TCF20: variants seen among roughly 807,000 people sequenced by gnomAD.
TCF20 encodes the protein SPRE-binding protein.
In TCF20, 3 loss-of-function variants were observed where a neutral mutation model predicts 148.6. The observed-to-expected ratio is 0.02, with a 90% CI of 0.01 to 0.05. The LOEUF (loss-of-function observed/expected upper bound fraction) is 0.05, where lower values mean the gene tolerates loss of function less well. Among genes scored for constraint, TCF20 ranks in the 10% least tolerant of loss-of-function variants. TCF20 has a pLI of 1.00. For missense variants in TCF20, 2,350 were observed against 2,429.3 expected, an observed-to-expected ratio of 0.97 and a Z score of 0.69; for synonymous variants, 1,049 against 909.5, an observed-to-expected ratio of 1.15 and a Z score of -2.76.
intron 1 of TCF20, among the ~76,000 whole-genome samples, chr22:42,304,037 G>T (rs1020961366): frequency 6.6e-6 from 1 of 151,678 alleles, no homozygotes; most frequent in Admixed American, 6.6e-5. Flanking sequence ...CCCCCCTGCC[G>T]CAAGAACATC....
intron 1 of TCF20, among the ~76,000 whole-genome samples, chr22:42,301,068 C>T (rs1174271995): frequency 2.0e-5 from 3 of 152,034 alleles, no homozygotes; most frequent in Non-Finnish European, 4.4e-5. Context: ...GGTCCTAGGG[C>T]AGAGCATGGC....
At chr22:42,225,493 A>G (rs1922799156) in intron 1 of TCF20, among the ~76,000 whole-genome samples, 1 of 151,042 alleles carries the variant, frequency 6.6e-6, no homozygotes, top group Non-Finnish European at 1.5e-5. Context: ...GGGCGCCTGT[A>G]GTCCCAGCTA....
chr22:42,247,863 A>G (rs1024709958), intron 1 of TCF20, among the ~76,000 whole-genome samples: 1 of 152,072 alleles, frequency 6.6e-6, no homozygotes, highest in Non-Finnish European at 1.5e-5. Context: ...TCTTCAAGAC[A>G]CCTCTCTTCA....
rs1927251029 is a variant in TCF20, at chr22:42,297,132, C to T, written c.-37+46347G>A. Among the ~76,000 whole-genome samples, 1 of 152,196 alleles carries T rather than the reference C, an allele frequency of 6.6e-6. No individual in the cohort carries two copies. The highest frequency in any genetic ancestry group is 1.5e-5 in the Non-Finnish European group (1 of 68,036). ...TCCCAACCCCTATGCACTACTGGTT[C>T]AGGCAGGCCTCAGTGCCCATACCCA... On this transcript the variant is annotated intron_variant, in intron 1 of 1. Coordinates refer to the TCF20 transcript ENST00000515426. This position sits in a 1 kb window ranked among gnomAD's most constrained non-coding sequence, Gnocchi z 4.3.
intron 1 of TCF20, among the ~76,000 whole-genome samples, chr22:42,323,844 A>ATGGAGGTTATGGTGGTGGTGGTG (rs1927779718): frequency 2.3e-5 from 2 of 85,730 alleles, no homozygotes; most frequent in Non-Finnish European, 5.1e-5. Context: ...CGGTGGTGGT[A>ATGGAGGTTATGGTGGTGGTGGTG]GTGGTGATGG....
intron 1 of TCF20, among the ~76,000 whole-genome samples, chr22:42,330,859 A>T (rs1184197522): frequency 6.6e-6 from 1 of 152,220 alleles, no homozygotes; most frequent in Non-Finnish European, 1.5e-5. Flanking sequence ...GAGGCCTAGG[A>T]TCAGGGGCTG....
At chr22:42,264,519 A>G (rs1926185098) in intron 1 of TCF20, among the ~76,000 whole-genome samples, 1 of 152,204 alleles carries the variant, frequency 6.6e-6, no homozygotes. Flanking sequence ...GAACACTTCA[A>G]CCAGCCCACT....
At chr22:42,284,074 C>T (rs116277878), upstream of TCF20, among the ~76,000 whole-genome samples, 2,793 of 152,282 alleles carry the variant, frequency 0.018, 95 homozygotes, top group African/African-American at 0.064. Flanking sequence ...ACGGCCCCTG[C>T]CGATCTCACC....
intron 3 of TCF20, among the ~76,000 whole-genome samples, chr22:42,172,217 C>T (rs1790232732): frequency 1.3e-5 from 2 of 152,338 alleles, no homozygotes; most frequent in South Asian, 4.1e-4. Flanking sequence ...AATTCACGTT[C>T]CTGGCAGGGG....
At chr22:42,313,211 G>A (rs1274373507) in intron 1 of TCF20, among the ~76,000 whole-genome samples, 1 of 152,222 alleles carries the variant, frequency 6.6e-6, no homozygotes, top group Admixed American at 6.5e-5. Context: ...AATAAATGGA[G>A]ACAGCTGCTA....
At position 42,297,423 on chromosome 22, in the gene TCF20, C is replaced by T. The variant is rs1927256378; in HGVS notation, c.-37+46056G>A. Among the ~76,000 whole-genome samples the T allele has an allele frequency of 6.6e-6, 1 of 152,168 alleles. No individual in the cohort carries two copies. ...GTAAATCTAAGGACACTGGTTGTGCCTTCTTTTTACCAGCAACAAGAACTC... is the reference window on the plus strand; with the variant it reads ...GTAAATCTAAGGACACTGGTTGTGCTTTCTTTTTACCAGCAACAAGAACTC... On this transcript the variant is annotated intron_variant, in intron 1 of 1. Coordinates refer to the TCF20 transcript ENST00000515426. The surrounding 1 kb of genome is among the most constrained non-coding windows in gnomAD (Gnocchi z 4.3).
chr22:42,166,668 G>T (rs890874978), intron 5 of TCF20, among the ~76,000 whole-genome samples: 2 of 150,834 alleles, frequency 1.3e-5, no homozygotes, highest in Non-Finnish European at 2.9e-5. Context: ...GCCCAAGAAT[G>T]ACTAGAGAGG....
chr22:42,250,043 G>A (rs1013633858), intron 1 of TCF20, among the ~76,000 whole-genome samples: 1 of 152,166 alleles, frequency 6.6e-6, no homozygotes, highest in African/African-American at 2.4e-5. Flanking sequence ...AGGATCACTT[G>A]AGGCCAGGAG....
At chr22:42,199,335 C>T (rs541878922) in intron 2 of TCF20, among the ~76,000 whole-genome samples, 3 of 152,164 alleles carry the variant, frequency 2.0e-5, no homozygotes, top group South Asian at 4.1e-4. Context: ...GGCAGAGCGA[C>T]GATTCCCACT....
At chr22:42,342,726 G>A (rs955529484) in intron 1 of TCF20, among the ~76,000 whole-genome samples, 1 of 152,144 alleles carries the variant, frequency 6.6e-6, no homozygotes, top group Admixed American at 6.5e-5. Context: ...CATTAAATTG[G>A]TGCTCCCAGA....
At chr22:42,271,125 T>C (rs1468604922), upstream of TCF20, among the ~76,000 whole-genome samples, 1 of 152,044 alleles carries the variant, frequency 6.6e-6, no homozygotes, top group Non-Finnish European at 1.5e-5. Context: ...TGGGGGCGGC[T>C]CCTGCCCGCC....
Position 42,161,277 on chromosome 22 carries a change from G to A in TCF20, c.*126C>T. 6.2e-7 allele frequency: 1 copy of A among 1,604,474 alleles called. No homozygotes were observed. Among genetic ancestry groups the A allele is most frequent in the Non-Finnish European group, 8.5e-7 (1 of 1,174,738 alleles). On this transcript the variant is annotated 3_prime_UTR_variant, in exon 6 of 6. Transcript: ENST00000677622. ...AGGCACGCGGGCGGGGCGGGGCGGG[G>A]CAGGGCAGGGTGTGGCTGCACGGTA...
chr22:42,251,862 G>T (rs768019608), intron 1 of TCF20, among the ~76,000 whole-genome samples: 24 of 151,908 alleles, frequency 1.6e-4, no homozygotes, highest in Non-Finnish European at 3.2e-4. Flanking sequence ...ATATTGTTTG[G>T]ATTTCGATAT....
In TCF20 at chr22:42,214,874, A is replaced by G; in HGVS notation, c.432T>C (p.Ser144=). The change falls in exon 2 of 6, where the codon TCT becomes TCC. Residue 144 remains serine, a synonymous_variant. Coordinates refer to ENST00000677622, the MANE Select transcript of TCF20 (RefSeq NM_001378418.1). The part of the protein sequence containing the change: ...GHVGQFQAQH[S]GLGGVSHYQQ... ...GATAATGTGACACACCGCCAAGGCC[A>G]GAGTGCTGTGCTTGAAACTGGCCCA... is the stretch of plus-strand genomic sequence containing the variant. 5.6e-6 allele frequency: 9 copies of G among 1,614,204 alleles called. No homozygotes were observed. Among genetic ancestry groups the G allele is most frequent in the Non-Finnish European group, 6.8e-6 (8 of 1,180,044 alleles).
Sources: gnomAD v4.1 joint callset for allele counts (sites outside exome capture counted in the v4.1 genomes callset) on GRCh38, gnomAD v4.1.1 for gene constraint, Gnocchi (gnomAD v3.1) non-coding constraint, MANE v1.5 for transcripts, NCBI Gene and HGNC (gene_info 2026-07-23, HGNC 2026-07-21) for gene names.